Variants in SMYD2 observed in about 807,000 individuals in gnomAD.
The protein encoded by SMYD2 is N-lysine methyltransferase SMYD2.
SMYD2 carries 53 observed loss-of-function variants against 59.1 expected under a neutral mutation model. The ratio of observed to expected loss-of-function variants is 0.90; its 90% confidence interval spans 0.72 to 1.13. The LOEUF (loss-of-function observed/expected upper bound fraction) is 1.13. Among genes scored for constraint, SMYD2 ranks in the 50% most tolerant of loss-of-function variants. The probability of loss-of-function intolerance (pLI) is 0.00; values close to 1 mark genes in which losing one functional copy is unlikely to be tolerated. For missense variants in SMYD2, 494 were observed against 544.7 expected (o/e 0.91, Z 0.93); for synonymous variants, 208 against 198.8 (o/e 1.05, Z -0.39).
chr1:214,287,334 C>G (rs895669273), intron 1 of SMYD2, among the ~76,000 whole-genome samples: 2 of 151,572 alleles, frequency 1.3e-5, no homozygotes, highest in Admixed American at 6.6e-5. Flanking sequence ...TGCCTGTAAT[C>G]CCAGCAGTTT....
chr1:214,308,229 G>C (rs1381007220), intron 2 of SMYD2, among the ~76,000 whole-genome samples: 1 of 152,254 alleles, frequency 6.6e-6, no homozygotes, highest in Non-Finnish European at 1.5e-5. Context: ...GAGGTGGCAG[G>C]CTGGATCTGA....
intron 7 of SMYD2, among the ~76,000 whole-genome samples, chr1:214,329,338 G>A (rs773926495): frequency 6.6e-6 from 1 of 152,030 alleles, no homozygotes; most frequent in Non-Finnish European, 1.5e-5. Context: ...TGGTGCCCGT[G>A]GTCACTGGCA....
At chr1:214,282,135 T>C (rs1302348004) in intron 1 of SMYD2, among the ~76,000 whole-genome samples, 1 of 152,228 alleles carries the variant, frequency 6.6e-6, no homozygotes, top group East Asian at 1.9e-4. Context: ...ACCATATGTA[T>C]ATATGTGTCT....
intron 1 of SMYD2, among the ~76,000 whole-genome samples, chr1:214,294,960 C>T (rs200150804): frequency 6.6e-6 from 1 of 152,132 alleles, no homozygotes; most frequent in East Asian, 1.9e-4. Context: ...TTTTATGCAA[C>T]AGCAAGCATA....
At chr1:214,313,569 A>AT (rs1250408386) in intron 2 of SMYD2, among the ~76,000 whole-genome samples, 1 of 150,666 alleles carries the variant, frequency 6.6e-6, no homozygotes, top group African/African-American at 2.4e-5. Context: ...GTCTCCTTTC[A>AT]TTTTTTCTTG....
At chr1:214,330,927 G>A (rs924646649) in intron 8 of SMYD2, 23 bp from the exon 9 acceptor site, 1 of 1,613,676 alleles carries the variant, frequency 6.2e-7, no homozygotes, top group Non-Finnish European at 8.5e-7. Context: ...GTAACGCCTT[G>A]CCCTTGTGGA....
intron 10 of SMYD2, chr1:214,333,606 C>T (rs1202226399): frequency 6.6e-6 from 1 of 152,624 alleles, no homozygotes; most frequent in Non-Finnish European, 1.5e-5. Flanking sequence ...TCTTCAGGTA[C>T]AGCCGGAGAG....
intron 5 of SMYD2, among the ~76,000 whole-genome samples, chr1:214,321,606 C>CCGGGCAGCAG (rs1657173879): frequency 6.6e-6 from 1 of 152,180 alleles, no homozygotes; most frequent in Non-Finnish European, 1.5e-5. Flanking sequence ...TACCTCGAGA[C>CCGGGCAGCAG]CTGGCAGCAG....
At chr1:214,332,652 G>A (rs1414841203) in intron 10 of SMYD2, 1 of 153,404 alleles carries the variant, frequency 6.5e-6, no homozygotes, top group Non-Finnish European at 1.5e-5. Flanking sequence ...GTTGACCGTG[G>A]TTATCTAATC....
At chr1:214,324,596 A>C (rs763893377) in intron 5 of SMYD2, 45 bp from the exon 6 acceptor site, 2 of 1,507,926 alleles carry the variant, frequency 1.3e-6, no homozygotes, top group Non-Finnish European at 1.8e-6. Context: ...ACCCAGAAAG[A>C]AGCTCCAGCT....
Position 214,318,347 on chromosome 1 carries a change from AGG to A in SMYD2, c.409+209_409+210del, listed in dbSNP as rs1339898182. 1.3e-5 allele frequency among the ~76,000 whole-genome samples: 2 copies of A among 152,218 alleles called. No homozygotes were observed. Among genetic ancestry groups the A allele is most frequent in the Non-Finnish European group, 2.9e-5 (2 of 68,044 alleles). On this transcript the variant is annotated intron_variant, in intron 4 of 11. Transcript: ENST00000366957. The surrounding 1 kb of genome is among the most constrained non-coding windows in gnomAD (Gnocchi z 5.4). The stretch of plus-strand genomic sequence containing the variant: ...GACAGGATTGTTAGGAAATAATTAA[AGG>A]AGGTAGGAGCTCCCAAAATGAATTA...
intron 1 of SMYD2, among the ~76,000 whole-genome samples, chr1:214,289,585 C>T (rs192280118): frequency 6.6e-6 from 1 of 152,184 alleles, no homozygotes; most frequent in Admixed American, 6.5e-5. Context: ...CTCTCATTTC[C>T]TGCTCTTCTC....
intron 1 of SMYD2, among the ~76,000 whole-genome samples, chr1:214,302,084 G>C (rs1656833149): frequency 6.6e-6 from 1 of 152,156 alleles, no homozygotes; most frequent in African/African-American, 2.4e-5. Flanking sequence ...TCTCACGTCT[G>C]TAATCCCAGC....
chr1:214,323,247 T>C (rs1447075027), intron 5 of SMYD2, among the ~76,000 whole-genome samples: 1 of 152,082 alleles, frequency 6.6e-6, no homozygotes. Context: ...TTTCAGCCTG[T>C]TTGTCTTTCT....
In SMYD2 at chr1:214,337,012, G is replaced by A; in HGVS notation, c.*228G>A. The A allele has an allele frequency of 2.2e-6, 1 of 450,226 alleles. No individual in the cohort carries two copies. Among genetic ancestry groups the A allele is most frequent in the Non-Finnish European group, 3.9e-6 (1 of 256,210 alleles). The allele number at this position is 450,226 out of a possible 1,614,324, so 27.9% of individuals were successfully genotyped here. A position where few individuals can be genotyped will look rare whatever the true frequency, so the allele number is the denominator to read the frequency against. On this transcript the variant is annotated 3_prime_UTR_variant, in exon 12 of 12. Transcript: ENST00000366957. ...TTTGTTTCCTAAGAGATAATGGCATGGTTTCATATGTTATACTTTGGACAG... is the reference window on the plus strand; with the variant it reads ...TTTGTTTCCTAAGAGATAATGGCATAGTTTCATATGTTATACTTTGGACAG...
intron 1 of SMYD2, among the ~76,000 whole-genome samples, chr1:214,304,557 T>TCAAAAAAAAAAAAAAAA (rs1656885304): frequency 4.9e-5 from 1 of 20,536 alleles, no homozygotes; most frequent in Non-Finnish European, 7.7e-5. Flanking sequence ...AGACCCTATC[T>TCAAAAAAAAAAAAAAAA]CAAAAAAAAA....
At position 214,318,999 on chromosome 1, in the gene SMYD2, G is replaced by T. The variant is rs755688246; in HGVS notation, c.534+16G>T. ...CTTTGCACAGGTAAGGACGCTGGCA[G>T]CAGGTAACACTCAGTCTGGCCTTTC... On this transcript the variant is annotated intron_variant, in intron 5 of 11. Coordinates refer to ENST00000366957, the MANE Select transcript of SMYD2 (RefSeq NM_020197.3). This position sits in a 1 kb window ranked among gnomAD's most constrained non-coding sequence, Gnocchi z 5.4. 6.2e-7 allele frequency: 1 copy of T among 1,612,878 alleles called. No homozygotes were observed. The highest frequency in any genetic ancestry group is 1.1e-5 in the South Asian group (1 of 90,768).
At chr1:214,288,866 A>G (rs1571918492) in intron 1 of SMYD2, among the ~76,000 whole-genome samples, 1 of 151,682 alleles carries the variant, frequency 6.6e-6, no homozygotes, top group East Asian at 1.9e-4. Context: ...AGAGTTAGTC[A>G]TCTCAGCCTT....
chr1:214,314,658 A>C (rs1385485111), intron 2 of SMYD2, 104 bp from the exon 3 acceptor site: 1 of 765,916 alleles, frequency 1.3e-6, no homozygotes, highest in Non-Finnish European at 2.2e-6. Flanking sequence ...AAGGAAACAT[A>C]TTTTACTTGA....
Sources: allele counts gnomAD v4.1 joint callset (sites outside exome capture counted in the v4.1 genomes callset), GRCh38; gene constraint gnomAD v4.1.1; non-coding constraint Gnocchi (gnomAD v3.1); transcripts MANE v1.5; gene names NCBI Gene and HGNC (gene_info 2026-07-23, HGNC 2026-07-21).